The following TMEM132B variants were observed in gnomAD, a reference collection of about 807,000 sequenced individuals.
The protein encoded by TMEM132B is transmembrane protein 132B.
TMEM132B carries 18 observed loss-of-function variants against 90.8 expected under a neutral mutation model. The ratio of observed to expected loss-of-function variants is 0.20; its 90% CI spans 0.14 to 0.29. The LOEUF is 0.29. TMEM132B is among the 10% of genes least tolerant of loss of function. TMEM132B has a pLI of 1.00. For missense variants in TMEM132B, 1,096 were observed against 1,326.8 expected, an observed-to-expected ratio of 0.83 and a Z score of 2.70; for synonymous variants, 504 against 523.3, an observed-to-expected ratio of 0.96 and a Z score of 0.50.
At chr12:125,314,310 G>A (rs1440235819) in intron 1 of TMEM132B, among the ~76,000 whole-genome samples, 18 of 152,216 alleles carry the variant, frequency 1.2e-4, no homozygotes, top group Admixed American at 9.8e-4. Flanking sequence ...GATCAGCAGC[G>A]ATGGCTCCTC....
intron 3 of TMEM132B, among the ~76,000 whole-genome samples, chr12:125,476,893 A>G (rs1462736796): frequency 6.6e-6 from 1 of 152,138 alleles, no homozygotes; most frequent in African/African-American, 2.4e-5. Flanking sequence ...CGGGAATGGA[A>G]TCTGAGCTTT....
chr12:125,248,110 G>A (rs971008144), intron 1 of TMEM132B, among the ~76,000 whole-genome samples: 4 of 152,184 alleles, frequency 2.6e-5, no homozygotes, highest in Non-Finnish European at 4.4e-5. Context: ...TGGTGACCAG[G>A]AAAGAGAGTC....
At chr12:125,508,750 AGAGTT>A (rs142094202) in intron 3 of TMEM132B, among the ~76,000 whole-genome samples, 14,809 of 150,750 alleles carry the variant, frequency 0.098, 1,193 homozygotes, top group Admixed American at 0.26. Flanking sequence ...AAAAGTAATT[AGAGTT>A]TTCTTTTTTT....
Position 125,406,776 on chromosome 12 carries a change from C to T in TMEM132B, c.960-8755C>T, listed in dbSNP as rs1486205304. On this transcript the variant is annotated intron_variant, in intron 2 of 8. Transcript: ENST00000682704. The surrounding 1 kb of genome is among the most constrained non-coding windows in gnomAD (Gnocchi z 8.3). Reference sequence around the variant, plus strand: ...GATGCCATCTGCAAGTCTGGAGGGTCCCCAAGACCACCCTCAGGTTCAGTA... The same window carrying T: ...GATGCCATCTGCAAGTCTGGAGGGTTCCCAAGACCACCCTCAGGTTCAGTA... Among the ~76,000 whole-genome samples the T allele has an allele frequency of 6.6e-6, 1 of 152,110 alleles. No individual in the cohort carries two copies.
At chr12:125,543,922 G>C (rs1884023184) in intron 4 of TMEM132B, among the ~76,000 whole-genome samples, 1 of 150,588 alleles carries the variant, frequency 6.6e-6, no homozygotes, top group East Asian at 2.0e-4. Flanking sequence ...AGCACTATTT[G>C]CAATAGCAAA....
At chr12:125,549,936 T>G (rs1282888805) in intron 4 of TMEM132B, among the ~76,000 whole-genome samples, 1 of 152,202 alleles carries the variant, frequency 6.6e-6, no homozygotes, top group African/African-American at 2.4e-5. Flanking sequence ...GGTCATCTCC[T>G]ACACCATCCT....
At chr12:125,256,331 C>A (rs369799913) in intron 1 of TMEM132B, among the ~76,000 whole-genome samples, 1 of 152,130 alleles carries the variant, frequency 6.6e-6, no homozygotes, top group Admixed American at 6.5e-5. Flanking sequence ...AGCTGTGCTG[C>A]GAGGAAGGTC....
chr12:125,189,560 A>G (rs1239064610), intron 1 of TMEM132B, among the ~76,000 whole-genome samples: 1 of 151,978 alleles, frequency 6.6e-6, no homozygotes, highest in Non-Finnish European at 1.5e-5. Context: ...GCTGCCCTTC[A>G]GAGAGGTGGC....
intron 3 of TMEM132B, among the ~76,000 whole-genome samples, chr12:125,480,939 G>T (rs1279993438): frequency 6.6e-6 from 1 of 152,152 alleles, no homozygotes; most frequent in African/African-American, 2.4e-5. Flanking sequence ...TCCCTGGGAT[G>T]CAAGGCTGGT....
At chr12:125,281,387 G>A (rs1253328547) in intron 1 of TMEM132B, among the ~76,000 whole-genome samples, 1 of 152,174 alleles carries the variant, frequency 6.6e-6, no homozygotes, top group Non-Finnish European at 1.5e-5. Context: ...ATTCAGACAT[G>A]GGTGGTGGCG....
chr12:125,384,920 G>T (rs1293887348), intron 2 of TMEM132B, among the ~76,000 whole-genome samples: 2 of 152,152 alleles, frequency 1.3e-5, no homozygotes, highest in Non-Finnish European at 2.9e-5. Context: ...CCAAAGTACT[G>T]GGATTACAGG....
At chr12:125,215,123 G>A (rs1168771465) in intron 1 of TMEM132B, among the ~76,000 whole-genome samples, 1 of 152,170 alleles carries the variant, frequency 6.6e-6, no homozygotes, top group Non-Finnish European at 1.5e-5. Flanking sequence ...CTCCACTTCT[G>A]TATATAGACC....
chr12:125,654,865 C>A lies in TMEM132B; in HGVS notation c.*155C>A. The A allele has an allele frequency of 1.1e-6, 1 of 887,466 alleles. No homozygotes were observed. The highest frequency in any genetic ancestry group is 1.7e-6 in the Non-Finnish European group (1 of 602,652). 55.0% of individuals were successfully genotyped at this position (887,466 alleles called of 1,614,324 possible). ...AAGCAGGTAAAAGAGGTTTGGAGAG[C>A]TATAGAAGCTGGGTTTTAAGTTTGG... On this transcript the variant is annotated 3_prime_UTR_variant, in exon 9 of 9. Transcript: ENST00000682704. The surrounding 1 kb of genome is among the most constrained non-coding windows in gnomAD (Gnocchi z 5.8).
rs973556273 is a variant in TMEM132B, at chr12:125,288,852, A to G, written c.68-60600A>G. On this transcript the variant is annotated intron_variant, in intron 1 of 8. Coordinates refer to ENST00000682704, the MANE Select transcript of TMEM132B (RefSeq NM_001366854.1). ...GGTTGAGAACTTTTGTTTTAGGGGT[A>G]TTCCTCACAGTGGGGTGCTGGGTGG... Among the ~76,000 whole-genome samples, 6 of 152,056 alleles carry G rather than the reference A, an allele frequency of 3.9e-5. No homozygotes were observed. The South Asian group carries it at 8.3e-4, about 21-fold the overall frequency.
chr12:125,202,878 G>A (rs1873096034), intron 1 of TMEM132B, among the ~76,000 whole-genome samples: 1 of 152,178 alleles, frequency 6.6e-6, no homozygotes, highest in Non-Finnish European at 1.5e-5. Flanking sequence ...CAAAGTAGCT[G>A]TTTCTGATAT....
intron 5 of TMEM132B, among the ~76,000 whole-genome samples, chr12:125,596,053 A>C (rs1427678564): frequency 6.6e-6 from 1 of 152,158 alleles, no homozygotes; most frequent in East Asian, 1.9e-4. Context: ...CAGGAGGTAG[A>C]ACTCCTTTTC....
intron 1 of TMEM132B, among the ~76,000 whole-genome samples, chr12:125,211,587 A>G (rs2136065996): frequency 6.6e-6 from 1 of 152,286 alleles, no homozygotes; most frequent in East Asian, 1.9e-4. Flanking sequence ...GGACTCAGTG[A>G]GGAGTAGGGT....
intron 3 of TMEM132B, among the ~76,000 whole-genome samples, chr12:125,509,245 G>A (rs2136625747): frequency 6.6e-6 from 1 of 152,316 alleles, no homozygotes; most frequent in South Asian, 2.1e-4. Flanking sequence ...TGGTATCAGA[G>A]GTGTGGTGGG....
intron 3 of TMEM132B, among the ~76,000 whole-genome samples, chr12:125,519,213 G>C (rs1225559881): frequency 1.3e-5 from 2 of 152,214 alleles, no homozygotes; most frequent in African/African-American, 2.4e-5. Flanking sequence ...AAGACAGCCT[G>C]CTTTCTGCAA....
Sources: allele counts gnomAD v4.1 joint callset (sites outside exome capture counted in the v4.1 genomes callset), GRCh38; gene constraint gnomAD v4.1.1; non-coding constraint Gnocchi (gnomAD v3.1); transcripts MANE v1.5; gene names NCBI Gene and HGNC (gene_info 2026-07-23, HGNC 2026-07-21).